Variants in WDR33 observed in about 807,000 individuals in gnomAD.
The protein encoded by WDR33 is pre-mRNA 3' end processing protein WDR33.
In WDR33, 47 loss-of-function variants were observed where a neutral mutation model predicts 164.9. That is an observed-to-expected ratio of 0.29 (90% CI 0.23 to 0.36). WDR33 has a LOEUF of 0.36. WDR33 is among the 10% of genes least tolerant of loss of function. WDR33 has a pLI of 1.00. For missense variants in WDR33, 1,137 were observed against 1,754.1 expected (o/e 0.65, Z 6.28); for synonymous variants, 505 against 589.0 (o/e 0.86, Z 2.06).
intron 7 of WDR33, 99 bp downstream of exon 7, chr2:127,762,963 T>A: frequency 6.4e-7 from 1 of 1,558,686 alleles, no homozygotes; most frequent in Non-Finnish European, 8.7e-7. Flanking sequence ...GTAAAAAAAA[T>A]TGAATGGAGG....
At chr2:127,797,553 G>T (rs1397162449) in intron 1 of WDR33, among the ~76,000 whole-genome samples, 1 of 152,122 alleles carries the variant, frequency 6.6e-6, no homozygotes, top group Admixed American at 6.6e-5. Flanking sequence ...TGTTTTAGTG[G>T]CTTTTTTTGT....
chr2:127,710,742 G>C lies in WDR33; in HGVS notation c.3309-886C>G, dbSNP rs1352052486. On this transcript the variant is annotated intron_variant, in intron 18 of 21. Coordinates refer to ENST00000322313, the MANE Select transcript of WDR33 (RefSeq NM_018383.5). This position sits in a 1 kb window ranked among gnomAD's most constrained non-coding sequence, Gnocchi z 4.4. ...TGGCGCCACCCTGCAGGGCCCCTCT[G>C]CATGAGCTGCATGGCCTCCTCCCAG... Among the ~76,000 whole-genome samples, 1 of 152,118 alleles carries C rather than the reference G, an allele frequency of 6.6e-6. No homozygotes were observed. The highest frequency in any genetic ancestry group is 1.5e-5 in the Non-Finnish European group (1 of 68,024).
intron 1 of WDR33, among the ~76,000 whole-genome samples, chr2:127,775,651 A>C (rs1036610466): frequency 6.6e-6 from 1 of 152,252 alleles, no homozygotes; most frequent in Non-Finnish European, 1.5e-5. Context: ...AATGCAAAAA[A>C]AGTATTGTTA....
intron 7 of WDR33, among the ~76,000 whole-genome samples, chr2:127,750,597 C>T (rs561125728): frequency 7.7e-6 from 1 of 129,718 alleles, no homozygotes; most frequent in Non-Finnish European, 1.6e-5. Flanking sequence ...TGCAGTGAGT[C>T]GAGATTGTAA....
intron 1 of WDR33, among the ~76,000 whole-genome samples, chr2:127,800,993 G>A (rs187536501): frequency 6.6e-6 from 1 of 152,068 alleles, no homozygotes; most frequent in East Asian, 1.9e-4. Flanking sequence ...GATGGGCATA[G>A]TGGCTCATGC....
chr2:127,765,136 A>C, intron 5 of WDR33, 38 bp downstream of exon 5: 1 of 1,593,894 alleles, frequency 6.3e-7, no homozygotes, highest in Non-Finnish European at 8.6e-7. Flanking sequence ...TCTTTACAGT[A>C]CCACAGGATG....
At chr2:127,752,393 A>G (rs925952724) in intron 7 of WDR33, among the ~76,000 whole-genome samples, 1 of 151,468 alleles carries the variant, frequency 6.6e-6, no homozygotes, top group Non-Finnish European at 1.5e-5. Context: ...GATCGAGACC[A>G]TCCTGGCTAA....
At chr2:127,707,186 A>G (rs1010748406) in intron 21 of WDR33, among the ~76,000 whole-genome samples, 1 of 151,706 alleles carries the variant, frequency 6.6e-6, no homozygotes, top group Non-Finnish European at 1.5e-5. Flanking sequence ...ATGTTTAGGT[A>G]CTATTAAAAT....
At chr2:127,784,328 A>C (rs895178374) in intron 1 of WDR33, among the ~76,000 whole-genome samples, 1 of 152,204 alleles carries the variant, frequency 6.6e-6, no homozygotes, top group Non-Finnish European at 1.5e-5. Flanking sequence ...TTTCCCAAAA[A>C]CAAGCACTAA....
At chr2:127,736,591 G>A in intron 7 of WDR33, 1 of 985,400 alleles carries the variant, frequency 1.0e-6, no homozygotes, top group Non-Finnish European at 1.2e-6. Flanking sequence ...CTATTGATTT[G>A]TACCAACTTG....
intron 1 of WDR33, among the ~76,000 whole-genome samples, chr2:127,788,014 G>C (rs1203400683): frequency 2.5e-5 from 2 of 80,810 alleles, no homozygotes; most frequent in Non-Finnish European, 4.8e-5. Flanking sequence ...TGGCCGGGCG[G>C]GGGGGCTGAC....
At position 127,723,798 on chromosome 2, in the gene WDR33, C is replaced by T. The variant is rs1020788194; in HGVS notation, c.1197-451G>A. Among the ~76,000 whole-genome samples, 2 of 151,646 alleles carry T rather than the reference C, an allele frequency of 1.3e-5. No individual in the cohort carries two copies. Among genetic ancestry groups the T allele is most frequent in the African/African-American group, 2.4e-5 (1 of 41,218 alleles). On this transcript the variant is annotated intron_variant, in intron 11 of 21. Coordinates refer to ENST00000322313, the MANE Select transcript of WDR33 (RefSeq NM_018383.5). The surrounding 1 kb of genome is among the most constrained non-coding windows in gnomAD (Gnocchi z 5.9). ...TAAAAATAAAAATAAAATGTGGGGC[C>T]GGGCAAGGTGGCTCATGCCTGTAAT...
At chr2:127,789,845 T>A (rs965735952) in intron 1 of WDR33, among the ~76,000 whole-genome samples, 17 of 151,498 alleles carry the variant, frequency 1.1e-4, no homozygotes, top group Admixed American at 3.9e-4. Context: ...TAAAAAAAAA[T>A]TTTTTTTTGA....
Position 127,726,883 on chromosome 2 carries a change from C to CAA in WDR33, c.725-108_725-107dup. ...AAATGTTTTGCTCTCAGTGCTCAGT[C>CAA]AACTTAAAACTTGTTTTGTGAAGAC... On this transcript the variant is annotated intron_variant, in intron 7 of 21. Coordinates refer to ENST00000322313, the MANE Select transcript of WDR33 (RefSeq NM_018383.5). This position sits in a 1 kb window ranked among gnomAD's most constrained non-coding sequence, Gnocchi z 4.8. 1 of 1,436,760 alleles carries CAA rather than the reference C, an allele frequency of 7.0e-7. No individual in the cohort carries two copies. Among genetic ancestry groups the CAA allele is most frequent in the Non-Finnish European group, 9.4e-7 (1 of 1,061,024 alleles). The allele number at this position is 1,436,760 out of a possible 1,614,324, so 89.0% of individuals were successfully genotyped here.
At chr2:127,728,423 G>T (rs911010037) in intron 7 of WDR33, among the ~76,000 whole-genome samples, 1 of 152,130 alleles carries the variant, frequency 6.6e-6, no homozygotes, top group African/African-American at 2.4e-5. Context: ...TCTAGACACC[G>T]AATTGTTAAC....
Position 127,708,295 on chromosome 2 carries a change from A to G in WDR33, c.3781+382T>C, listed in dbSNP as rs1686066039. Among the ~76,000 whole-genome samples, 1 of 152,158 alleles carries G rather than the reference A, an allele frequency of 6.6e-6. No individual in the cohort carries two copies. Among genetic ancestry groups the G allele is most frequent in the African/African-American group, 2.4e-5 (1 of 41,428 alleles). ...AGCAGTGTTCCTCTAGACCCAGGCTAAAAAAACCAACAGACCACCCAGGAG... is the reference window on the plus strand; with the variant it reads ...AGCAGTGTTCCTCTAGACCCAGGCTGAAAAAACCAACAGACCACCCAGGAG... On this transcript the variant is annotated intron_variant, in intron 21 of 21. Coordinates refer to ENST00000322313, the MANE Select transcript of WDR33 (RefSeq NM_018383.5). This position sits in a 1 kb window ranked among gnomAD's most constrained non-coding sequence, Gnocchi z 6.7.
intron 1 of WDR33, among the ~76,000 whole-genome samples, chr2:127,791,460 A>G (rs1339824995): frequency 6.6e-6 from 1 of 152,156 alleles, no homozygotes; most frequent in Non-Finnish European, 1.5e-5. Flanking sequence ...TCAAGGTGCC[A>G]GCATAACCAG....
At chr2:127,787,720 C>T (rs1688646300) in intron 1 of WDR33, among the ~76,000 whole-genome samples, 1 of 92,902 alleles carries the variant, frequency 1.1e-5, no homozygotes, top group African/African-American at 4.9e-5. Context: ...GGGCTGACAC[C>T]CCCACCTCCC....
intron 7 of WDR33, among the ~76,000 whole-genome samples, chr2:127,756,454 T>C (rs1464905312): frequency 3.3e-5 from 5 of 151,896 alleles, no homozygotes; most frequent in African/African-American, 1.2e-4. Context: ...TACCACATTT[T>C]AATCATATAC....
Sources: gnomAD v4.1 joint callset for allele counts (sites outside exome capture counted in the v4.1 genomes callset) on GRCh38, gnomAD v4.1.1 for gene constraint, Gnocchi (gnomAD v3.1) non-coding constraint, MANE v1.5 for transcripts, NCBI Gene and HGNC (gene_info 2026-07-23, HGNC 2026-07-21) for gene names.